NETO1: variants seen among roughly 807,000 people sequenced by gnomAD.
The protein encoded by NETO1 is neuropilin and tolloid like 1.
Under a neutral mutation model 61.3 loss-of-function variants are expected in NETO1, and 26 were observed. The ratio of observed to expected loss-of-function variants is 0.42; its 90% CI spans 0.31 to 0.59. NETO1 has a LOEUF of 0.59. Among genes scored for constraint, NETO1 ranks in the 20% least tolerant of loss-of-function variants. NETO1 has a pLI of 0.12. For missense variants in NETO1, 531 were observed against 662.8 expected, an observed-to-expected ratio of 0.80 and a Z score of 2.18; for synonymous variants, 225 against 225.8, an observed-to-expected ratio of 1.00 and a Z score of 0.03.
intron 6 of NETO1, among the ~76,000 whole-genome samples, chr18:72,784,988 A>C (rs1002806105): frequency 6.6e-6 from 1 of 152,252 alleles, no homozygotes; most frequent in Non-Finnish European, 1.5e-5. Flanking sequence ...ATATAAAGCC[A>C]AAAGACCCAT....
At position 72,743,775 on chromosome 18, in the gene NETO1, T is replaced by C. The variant is rs745493624; in HGVS notation, c.*4404A>G. ...ATTTGATAATGTGATATAAAAAGAA[T>C]GTTTTATTTTAAATAATTTATACAT... On this transcript the variant is annotated 3_prime_UTR_variant, in exon 11 of 11. Coordinates refer to ENST00000327305, the MANE Select transcript of NETO1 (RefSeq NM_138966.5). The C allele has an allele frequency of 2.0e-5, 3 of 152,142 alleles. No individual in the cohort carries two copies. Among genetic ancestry groups the C allele is most frequent in the Non-Finnish European group, 2.9e-5 (2 of 68,026 alleles). The allele number at this position is 152,142 out of a possible 1,614,324, so 9.4% of individuals were successfully genotyped here. A position where few individuals can be genotyped will look rare whatever the true frequency, so the allele number is the denominator to read the frequency against.
chr18:72,859,323 G>A (rs985069208), intron 3 of NETO1, among the ~76,000 whole-genome samples: 1 of 152,156 alleles, frequency 6.6e-6, no homozygotes. Flanking sequence ...CCATTTTGAC[G>A]TTTTGCGCAG....
intron 7 of NETO1, among the ~76,000 whole-genome samples, chr18:72,769,555 A>G (rs1286518024): frequency 2.3e-4 from 35 of 152,206 alleles, no homozygotes; most frequent in Non-Finnish European, 1.5e-5. Context: ...CTTTGTAAAA[A>G]AGTGTTTACC....
At chr18:72,831,727 A>G (rs985711042) in intron 4 of NETO1, among the ~76,000 whole-genome samples, 15 of 152,260 alleles carry the variant, frequency 9.9e-5, no homozygotes, top group Admixed American at 2.0e-4. Flanking sequence ...ACACTCACAT[A>G]CATCTTGTAT....
rs915885964 is a variant in NETO1, at chr18:72,745,983, A to C, written c.*2196T>G. On this transcript the variant is annotated 3_prime_UTR_variant, in exon 11 of 11. Coordinates refer to ENST00000327305, the MANE Select transcript of NETO1 (RefSeq NM_138966.5). ...AAATATATGTGAGCTATTCATTCTT[A>C]TTATTATACTTCATTTAGTGTTTTT... 6.6e-6 allele frequency: 1 copy of C among 152,104 alleles called. No individual in the cohort carries two copies. The highest frequency in any genetic ancestry group is 1.5e-5 in the Non-Finnish European group (1 of 68,030). 9.4% of individuals were successfully genotyped at this position (152,104 alleles called of 1,614,324 possible).
intron 6 of NETO1, among the ~76,000 whole-genome samples, chr18:72,786,897 G>C (rs559020410): frequency 6.6e-6 from 1 of 151,120 alleles, no homozygotes; most frequent in Admixed American, 6.6e-5. Context: ...CTGGGCGACA[G>C]AGCGAGACCC....
intron 4 of NETO1, among the ~76,000 whole-genome samples, chr18:72,801,422 A>G (rs2072503003): frequency 6.6e-6 from 1 of 152,204 alleles, no homozygotes; most frequent in Non-Finnish European, 1.5e-5. Flanking sequence ...CATTTTCTCA[A>G]AAATATACGG....
At chr18:72,776,933 G>A (rs933320775) in intron 7 of NETO1, among the ~76,000 whole-genome samples, 1 of 152,182 alleles carries the variant, frequency 6.6e-6, no homozygotes, top group South Asian at 2.1e-4. Context: ...CTCATCTAAA[G>A]CAGGTATGAG....
At chr18:72,796,311 C>T (rs914274284) in intron 4 of NETO1, among the ~76,000 whole-genome samples, 13 of 152,056 alleles carry the variant, frequency 8.5e-5, no homozygotes, top group African/African-American at 2.9e-4. Context: ...TTGCTTCTTG[C>T]TTTGTCAAAC....
At chr18:72,790,091 T>A (rs2072062824) in intron 6 of NETO1, among the ~76,000 whole-genome samples, 1 of 152,178 alleles carries the variant, frequency 6.6e-6, no homozygotes. Flanking sequence ...ACAAATTGAG[T>A]CAACTTTAAA....
chr18:72,783,862 C>T lies in NETO1; in HGVS notation c.684G>A (p.Glu228=). The T allele has an allele frequency of 1.9e-6, 3 of 1,614,108 alleles. No individual in the cohort carries two copies. Among genetic ancestry groups the T allele is most frequent in the Non-Finnish European group, 2.5e-6 (3 of 1,179,968 alleles). The change falls in exon 7 of 11, where the codon GAG becomes GAA. Residue 228 remains glutamate (E), a synonymous_variant. Transcript: ENST00000327305. The stretch of plus-strand genomic sequence containing the variant: ...ACACAGCCACAAAATTCCTCTTGCA[C>T]TCATTTGAATTCTGCATCTCATAGT... ...FLDYEMQNSN[E]CKRNFVAVYD...
At chr18:72,808,764 G>C (rs910547319) in intron 4 of NETO1, among the ~76,000 whole-genome samples, 2 of 152,180 alleles carry the variant, frequency 1.3e-5, no homozygotes, top group Non-Finnish European at 2.9e-5. Flanking sequence ...TCTAAATAGA[G>C]CTGGAGCAGC....
chr18:72,861,771 C>A (rs1359980145), intron 3 of NETO1, among the ~76,000 whole-genome samples: 1 of 152,170 alleles, frequency 6.6e-6, no homozygotes, highest in Non-Finnish European at 1.5e-5. Flanking sequence ...TTTAAATGTA[C>A]CTTTCTCTAC....
At chr18:72,858,198 C>G (rs1249649743) in intron 4 of NETO1, among the ~76,000 whole-genome samples, 1 of 152,136 alleles carries the variant, frequency 6.6e-6, no homozygotes, top group Non-Finnish European at 1.5e-5. Context: ...GGCAACAACA[C>G]AGGATCTTTT....
intron 6 of NETO1, among the ~76,000 whole-genome samples, chr18:72,791,077 C>G (rs1292239177): frequency 6.6e-6 from 1 of 152,126 alleles, no homozygotes. Context: ...TTTAAATGAT[C>G]TAGTCAGTAA....
At chr18:72,742,976 C>A (rs1392279038), downstream of NETO1, among the ~76,000 whole-genome samples, 1 of 152,064 alleles carries the variant, frequency 6.6e-6, no homozygotes, top group East Asian at 1.9e-4. Context: ...ACAATCTGCC[C>A]GTTACTCTTT....
chr18:72,864,872 G>C lies in NETO1; in HGVS notation c.156C>G (p.Ile52Met). Residue 52 changes from isoleucine to methionine, a missense_variant, in exon 3 of 11, where the codon ATC becomes ATG. Physicochemically the swap from Ile to Met is conservative, Grantham distance 10 (BLOSUM62 1). Coordinates refer to ENST00000327305, the MANE Select transcript of NETO1 (RefSeq NM_138966.5). ...TGCTGGGATAGTTGGGAGAGGTAAAGATACCTCCCTCTGCATGTTTTGTCC... is the reference window on the plus strand; with the variant it reads ...TGCTGGGATAGTTGGGAGAGGTAAACATACCTCCCTCTGCATGTTTTGTCC... ...GTWTKHAEGG[I>M]FTSPNYPSKY... 6.2e-7 allele frequency: 1 copy of C among 1,613,540 alleles called. No homozygotes were observed. The highest frequency in any genetic ancestry group is 8.5e-7 in the Non-Finnish European group (1 of 1,179,776).
At chr18:72,764,784 A>G (rs895927934) in intron 7 of NETO1, among the ~76,000 whole-genome samples, 2 of 152,014 alleles carry the variant, frequency 1.3e-5, no homozygotes, top group Admixed American at 6.6e-5. Context: ...CACCTCCCAC[A>G]CCTTCCTGGC....
chr18:72,749,033 C>A lies in NETO1; in HGVS notation c.1597G>T (p.Val533Phe). 6.2e-7 allele frequency: 1 copy of A among 1,609,786 alleles called. No homozygotes were observed. The highest frequency in any genetic ancestry group is 8.5e-7 in the Non-Finnish European group (1 of 1,176,430). ...KHESEYNTTRV is the reference protein window; with the variant it reads ...KHESEYNTTRF ...GCTTACCTTGAATTTTCTTTCTAGA[C>A]CCTAGTTGTGTTGTATTCAGATTCA... Residue 533 changes from valine to phenylalanine, a missense_variant, in exon 10 of 11, where the codon GTC becomes TTC. By Grantham distance (50) the Val-to-Phe change is conservative. Coordinates refer to ENST00000327305, the MANE Select transcript of NETO1 (RefSeq NM_138966.5).
Sources: gnomAD v4.1 joint callset for allele counts (sites outside exome capture counted in the v4.1 genomes callset) on GRCh38, gnomAD v4.1.1 for gene constraint, MANE v1.5 for transcripts, NCBI Gene and HGNC (gene_info 2026-07-23, HGNC 2026-07-21) for gene names.